The following SPECC1 variants were observed in gnomAD, a reference collection of about 807,000 sequenced individuals.
SPECC1 encodes the protein cytospin-B.
A neutral mutation model predicts 104.1 loss-of-function variants in SPECC1; 62 were observed. The observed-to-expected ratio is 0.60, with a 90% CI of 0.49 to 0.74. The LOEUF (loss-of-function observed/expected upper bound fraction) is 0.74. SPECC1 is among the 30% of genes least tolerant of loss of function. The pLI, the probability that SPECC1 is intolerant of heterozygous loss-of-function variation, is 0.00. For synonymous variants in SPECC1, 513 were observed against 501.6 expected (o/e 1.02, Z -0.30); for missense variants, 1,306 against 1,310.5 (o/e 1.00, Z 0.05).
intron 2 of SPECC1, 33 bp downstream of exon 2, chr17:20,096,831 C>T (rs1027421844): frequency 1.1e-5 from 18 of 1,588,382 alleles, no homozygotes; most frequent in Middle Eastern, 1.7e-4. Flanking sequence ...CCAGGCAGAG[C>T]GCCTGGATAC....
At chr17:20,047,104 G>A (rs2045569517) in intron 1 of SPECC1, among the ~76,000 whole-genome samples, 2 of 152,196 alleles carry the variant, frequency 1.3e-5, no homozygotes, top group Admixed American at 1.3e-4. Flanking sequence ...AACTTTCAGT[G>A]GGCTGGATTA....
chr17:20,278,421 G>A (rs549144096), intron 12 of SPECC1, among the ~76,000 whole-genome samples: 17 of 152,266 alleles, frequency 1.1e-4, no homozygotes, highest in Admixed American at 7.2e-4. Flanking sequence ...GGTGGAACTG[G>A]GAAGACTGGA....
chr17:20,165,014 T>A (rs1027848689), intron 3 of SPECC1, among the ~76,000 whole-genome samples: 1 of 152,182 alleles, frequency 6.6e-6, no homozygotes, highest in Non-Finnish European at 1.5e-5. Context: ...TTTAAAAAAA[T>A]TAATTTTATT....
chr17:20,110,070 C>G (rs1055769163), intron 2 of SPECC1, among the ~76,000 whole-genome samples: 3 of 152,136 alleles, frequency 2.0e-5, no homozygotes, highest in Admixed American at 2.0e-4. Flanking sequence ...ACTCCTGAGC[C>G]CAGCAGTCCT....
chr17:20,157,079 T>A (rs1371647025), intron 3 of SPECC1, among the ~76,000 whole-genome samples: 1 of 150,744 alleles, frequency 6.6e-6, no homozygotes, highest in Non-Finnish European at 1.5e-5. Flanking sequence ...TTAATTTGAA[T>A]GAGGACTTTG....
chr17:20,257,982 T>A (rs1335633500), intron 11 of SPECC1, among the ~76,000 whole-genome samples: 1 of 152,194 alleles, frequency 6.6e-6, no homozygotes, highest in African/African-American at 2.4e-5. Flanking sequence ...GTGGGCTTCC[T>A]GAGAGCCGGG....
chr17:20,103,934 C>T (rs72830139), intron 2 of SPECC1, among the ~76,000 whole-genome samples: 11,300 of 152,036 alleles, frequency 0.074, 464 homozygotes, highest in Non-Finnish European at 0.086. Context: ...AGAAGGGGGA[C>T]GAGAAAGGGA....
intron 12 of SPECC1, among the ~76,000 whole-genome samples, chr17:20,270,298 A>T (rs908902474): frequency 1.4e-4 from 19 of 140,432 alleles, no homozygotes; most frequent in Admixed American, 4.8e-4. Context: ...AATTTTTTTT[A>T]AAAAAAACAG....
At chr17:20,210,023 T>G (rs376150274) in intron 4 of SPECC1, among the ~76,000 whole-genome samples, 67 of 152,280 alleles carry the variant, frequency 4.4e-4, no homozygotes, top group African/African-American at 1.5e-3. Flanking sequence ...CATGAATGGT[T>G]TGCGGGAGTC....
chr17:20,283,142 C>G (rs2040831047), intron 12 of SPECC1, among the ~76,000 whole-genome samples: 1 of 152,198 alleles, frequency 6.6e-6, no homozygotes, highest in African/African-American at 2.4e-5. Context: ...CCTGATCACA[C>G]TATTGCACTC....
chr17:20,082,403 C>T (rs2047008532), intron 1 of SPECC1, among the ~76,000 whole-genome samples: 1 of 152,014 alleles, frequency 6.6e-6, no homozygotes, highest in Non-Finnish European at 1.5e-5. Context: ...AGTTTGAGAC[C>T]AGCCTGGGCA....
At chr17:20,177,989 A>G (rs1567906376) in intron 3 of SPECC1, among the ~76,000 whole-genome samples, 1 of 151,968 alleles carries the variant, frequency 6.6e-6, no homozygotes, top group African/African-American at 2.4e-5. Flanking sequence ...ATTAACAGGC[A>G]TGAGCCACCT....
intron 1 of SPECC1, among the ~76,000 whole-genome samples, chr17:20,031,683 G>A (rs1215429894): frequency 6.6e-6 from 1 of 152,064 alleles, no homozygotes; most frequent in Non-Finnish European, 1.5e-5. Flanking sequence ...CTCAGCCCTT[G>A]GCAACCACTG....
At chr17:20,256,519 G>A (rs1263651674) in intron 10 of SPECC1, among the ~76,000 whole-genome samples, 2 of 152,164 alleles carry the variant, frequency 1.3e-5, no homozygotes, top group African/African-American at 4.8e-5. Context: ...CCTAATTGGT[G>A]GCAGTGAGCT....
At chr17:20,080,971 C>G (rs1401788809) in intron 1 of SPECC1, among the ~76,000 whole-genome samples, 1 of 152,140 alleles carries the variant, frequency 6.6e-6, no homozygotes, top group Non-Finnish European at 1.5e-5. Flanking sequence ...CCCAAACTTG[C>G]ATTCTCCTTC....
intron 12 of SPECC1, among the ~76,000 whole-genome samples, chr17:20,263,577 AAG>A: frequency 6.6e-6 from 1 of 152,118 alleles, no homozygotes; most frequent in Non-Finnish European, 1.5e-5. Flanking sequence ...AAAAAAGAAT[AAG>A]AAGTCAGAGG....
Position 20,273,209 on chromosome 17 carries a change from C to T in SPECC1, c.2940+12915C>T, listed in dbSNP as rs534329546. Reference sequence around the variant, plus strand: ...TCAGAAAAGAGGCCTGTGGGCCAGGCACAGTGGCTCACCCCTGTAGTCCCA... The same window carrying T: ...TCAGAAAAGAGGCCTGTGGGCCAGGTACAGTGGCTCACCCCTGTAGTCCCA... On this transcript the variant is annotated intron_variant, in intron 12 of 14. Transcript: ENST00000395527. Among the ~76,000 whole-genome samples, 3 of 152,278 alleles carry T rather than the reference C, an allele frequency of 2.0e-5. No homozygotes were observed. The South Asian group carries it at 6.2e-4, about 32-fold the overall frequency.
intron 1 of SPECC1, among the ~76,000 whole-genome samples, chr17:20,040,396 A>G (rs1480075065): frequency 6.6e-6 from 1 of 152,172 alleles, no homozygotes; most frequent in Non-Finnish European, 1.5e-5. Context: ...TATTGTAATT[A>G]CATGTATTTT....
intron 1 of SPECC1, among the ~76,000 whole-genome samples, chr17:20,050,550 A>G (rs1182433293): frequency 1.3e-5 from 2 of 152,246 alleles, no homozygotes; most frequent in Non-Finnish European, 2.9e-5. Context: ...TCACAGTAAG[A>G]TGTTGTAGAT....
Sources: gnomAD v4.1 joint callset for allele counts (sites outside exome capture counted in the v4.1 genomes callset) on GRCh38, gnomAD v4.1.1 for gene constraint, MANE v1.5 for transcripts, NCBI Gene and HGNC (gene_info 2026-07-23, HGNC 2026-07-21) for gene names.